Variants in PCDHGA5 observed in about 807,000 individuals in gnomAD.
PCDHGA5 encodes the protein protocadherin gamma subfamily A, 5, also known as protocadherin gamma-A5.
In PCDHGA5, 36 loss-of-function variants were observed where a neutral mutation model predicts 56.7. The ratio of observed to expected loss-of-function variants is 0.64; its 90% confidence interval spans 0.49 to 0.84. The LOEUF (loss-of-function observed/expected upper bound fraction) is 0.84. Ranked by LOEUF, PCDHGA5 falls within the 40% of genes least tolerant of loss-of-function variation. The probability of loss-of-function intolerance (pLI) is 0.00; values close to 1 mark genes in which losing one functional copy is unlikely to be tolerated. For synonymous variants in PCDHGA5, 563 were observed against 520.2 expected (o/e 1.08, Z -1.12); for missense variants, 1,305 against 1,201.5 (o/e 1.09, Z -1.27).
chr5:141,388,812 G>A, intron 1 of PCDHGA5: 3 of 1,613,934 alleles, frequency 1.9e-6, no homozygotes, highest in Non-Finnish European at 2.5e-6. Context: ...TTTTGAAGAA[G>A]TCAAAGAATA....
intron 1 of PCDHGA5, among the ~76,000 whole-genome samples, chr5:141,466,063 A>G (rs554503713): frequency 3.3e-5 from 5 of 152,268 alleles, no homozygotes; most frequent in Admixed American, 6.5e-5. Context: ...CGGAGCTTGC[A>G]GTGAGCTGAT....
chr5:141,385,268 C>A (rs1561607524), intron 1 of PCDHGA5: 3 of 1,613,616 alleles, frequency 1.9e-6, no homozygotes, highest in South Asian at 2.2e-5. Context: ...AAAAATGATT[C>A]TTTGCTAACA....
Position 141,431,354 on chromosome 5 carries a change from G to GCC in PCDHGA5, c.2422-63451_2422-63450dup. The GCC allele has an allele frequency of 6.2e-7, 1 of 1,614,036 alleles. No individual in the cohort carries two copies. Among genetic ancestry groups the GCC allele is most frequent in the African/African-American group, 1.3e-5 (1 of 75,052 alleles). On this transcript the variant is annotated intron_variant, in intron 1 of 3. Transcript: ENST00000518069. This position sits in a 1 kb window ranked among gnomAD's most constrained non-coding sequence, Gnocchi z 4.8. Reference sequence around the variant, plus strand: ...GTACCCCGAATTGGTGCTGAAACGCGCCCTGGACCGCGAAGAAAAGGCTGC... The same window carrying GCC: ...GTACCCCGAATTGGTGCTGAAACGCGCCCCCTGGACCGCGAAGAAAAGGCTGC...
chr5:141,412,219 C>T (rs549742411), intron 1 of PCDHGA5: 1 of 152,334 alleles, frequency 6.6e-6, no homozygotes, highest in African/African-American at 2.4e-5. Context: ...TAAACACTTA[C>T]TTGTTAAAAA....
chr5:141,371,485 C>T, intron 1 of PCDHGA5: 1 of 1,613,980 alleles, frequency 6.2e-7, no homozygotes, highest in South Asian at 1.1e-5. Context: ...GAGCTGGGGA[C>T]TGCCGTTGCC....
At chr5:141,403,672 G>A in intron 1 of PCDHGA5, 1 of 1,613,846 alleles carries the variant, frequency 6.2e-7, no homozygotes, top group Non-Finnish European at 8.5e-7. Context: ...ATAATGCCCC[G>A]GTTTTTGCTC....
At chr5:141,463,417 G>A (rs548514637) in intron 1 of PCDHGA5, among the ~76,000 whole-genome samples, 1 of 146,650 alleles carries the variant, frequency 6.8e-6, no homozygotes, top group South Asian at 2.2e-4. Context: ...ATCCTAGTTT[G>A]CGGATCCTCA....
intron 1 of PCDHGA5, chr5:141,393,813 C>G (rs376904307): frequency 1.2e-6 from 2 of 1,613,814 alleles, no homozygotes; most frequent in Non-Finnish European, 8.5e-7. Flanking sequence ...GACCAAATTG[C>G]TCATTTCGGT....
intron 1 of PCDHGA5, chr5:141,375,778 C>T (rs772854971): frequency 1.9e-6 from 3 of 1,614,242 alleles, no homozygotes; most frequent in South Asian, 2.2e-5. Flanking sequence ...TCCTGTACCC[C>T]GCCCTCCCCA....
intron 1 of PCDHGA5, chr5:141,414,324 T>G (rs2095735584): frequency 6.2e-7 from 1 of 1,613,758 alleles, no homozygotes; most frequent in South Asian, 1.1e-5. Context: ...CTGAGCAGAA[T>G]GGACAGGTAA....
chr5:141,414,801 G>A, intron 1 of PCDHGA5: 2 of 1,614,218 alleles, frequency 1.2e-6, no homozygotes, highest in Non-Finnish European at 1.7e-6. Flanking sequence ...GCGACAGCGG[G>A]GATCCTCCAC....
intron 1 of PCDHGA5, chr5:141,414,350 C>T (rs1450829111): frequency 1.9e-6 from 3 of 1,613,726 alleles, no homozygotes; most frequent in Admixed American, 1.7e-5. Flanking sequence ...TCCATTTTGG[C>T]GTATCTACCA....
At chr5:141,497,129 T>G (rs528066007) in intron 2 of PCDHGA5, among the ~76,000 whole-genome samples, 1 of 151,692 alleles carries the variant, frequency 6.6e-6, no homozygotes, top group Admixed American at 6.6e-5. Flanking sequence ...GAGGTTGCAG[T>G]GAGCTGAGAT....
intron 1 of PCDHGA5, chr5:141,367,611 T>C (rs868477052): frequency 2.4e-4 from 36 of 152,038 alleles, no homozygotes; most frequent in African/African-American, 8.5e-4. Flanking sequence ...AATGATAACA[T>C]GTAGCATTCT....
At chr5:141,383,695 G>A (rs373055594) in intron 1 of PCDHGA5, 5 of 1,613,974 alleles carry the variant, frequency 3.1e-6, no homozygotes, top group Non-Finnish European at 3.4e-6. Flanking sequence ...CACGGTACAT[G>A]CTATCGACCT....
At position 141,418,250 on chromosome 5, in the gene PCDHGA5, C is replaced by T. The variant is rs375149538; in HGVS notation, c.2421+51499C>T. ...GATTGAGGATGTTAATGACCACGCC[C>T]CTCAATTCCGGAAAGATGAAATAAA... On this transcript the variant is annotated intron_variant, in intron 1 of 3. Transcript: ENST00000518069. The T allele has an allele frequency of 2.5e-5, 40 of 1,613,876 alleles. No individual in the cohort carries two copies. The African/African-American group carries it at 3.6e-4, about 15-fold the overall frequency.
chr5:141,419,610 C>T (rs779657777), intron 1 of PCDHGA5: 162 of 1,612,012 alleles, frequency 1.0e-4, no homozygotes, highest in Non-Finnish European at 1.3e-4. Flanking sequence ...GCCGCGCAGC[C>T]AGGCTACCTG....
At chr5:141,421,651 A>G in intron 1 of PCDHGA5, 1 of 1,613,868 alleles carries the variant, frequency 6.2e-7, no homozygotes, top group Non-Finnish European at 8.5e-7. Flanking sequence ...AGTGGAGATA[A>G]AAGTCAGTGA....
rs564367150 is a variant in PCDHGA5 at position 141,464,990 on chromosome 5, C to T, written c.2422-29817C>T. Among the ~76,000 whole-genome samples, 147 of 152,192 alleles carry T rather than the reference C, an allele frequency of 9.7e-4. 1 individual carries two copies. Among genetic ancestry groups the T allele is most frequent in the African/African-American group, 3.5e-3 (144 of 41,536 alleles). On this transcript the variant is annotated intron_variant, in intron 1 of 3. Transcript: ENST00000518069. ...CTACTGGCTTCAAGTGATCCTCCCA[C>T]CTCAGCCTCCCAAAGTGCTAAGATT...
Sources: allele counts gnomAD v4.1 joint callset (sites outside exome capture counted in the v4.1 genomes callset), GRCh38; gene constraint gnomAD v4.1.1; non-coding constraint Gnocchi (gnomAD v3.1); transcripts MANE v1.5; gene names NCBI Gene and HGNC (gene_info 2026-07-23, HGNC 2026-07-21).